AGBL1: variants seen among roughly 807,000 people sequenced by gnomAD.
AGBL1 encodes AGBL carboxypeptidase 1, also known as cytosolic carboxypeptidase 4.
In AGBL1, 130 loss-of-function variants were observed where a neutral mutation model predicts 118.9. The observed-to-expected ratio is 1.09, with a 90% CI of 0.95 to 1.26. The LOEUF (loss-of-function observed/expected upper bound fraction) is 1.26. AGBL1 is among the 50% of genes most tolerant of loss of function. AGBL1 has a pLI of 0.00. For synonymous variants in AGBL1, 555 were observed against 478.9 expected (o/e 1.16, Z -2.08); for missense variants, 1,584 against 1,298.1 (o/e 1.22, Z -3.38).
chr15:86,582,320 AGG>A (rs1409666028), intron 21 of AGBL1, among the ~76,000 whole-genome samples: 2 of 152,164 alleles, frequency 1.3e-5, no homozygotes, highest in Non-Finnish European at 2.9e-5. Context: ...TGCCAGGGTC[AGG>A]GAAATAGATT....
chr15:86,849,134 G>T (rs981871364), intron 22 of AGBL1, among the ~76,000 whole-genome samples: 1 of 152,216 alleles, frequency 6.6e-6, no homozygotes, highest in Non-Finnish European at 1.5e-5. Flanking sequence ...AGCATGCCTT[G>T]CTTATCCATC....
chr15:86,437,890 C>CT (rs1298482033), intron 18 of AGBL1, among the ~76,000 whole-genome samples: 1 of 151,778 alleles, frequency 6.6e-6, no homozygotes, highest in Non-Finnish European at 1.5e-5. Context: ...CCTCAGTTTT[C>CT]TTTTTTTTCC....
intron 5 of AGBL1, among the ~76,000 whole-genome samples, chr15:86,211,286 C>T (rs1262651271): frequency 2.0e-5 from 3 of 152,230 alleles, no homozygotes; most frequent in Non-Finnish European, 2.9e-5. Flanking sequence ...TTAGGCTACA[C>T]AGGGGTCAGG....
chr15:86,547,456 G>A (rs2083598833), intron 20 of AGBL1, among the ~76,000 whole-genome samples: 1 of 152,130 alleles, frequency 6.6e-6, no homozygotes, highest in Non-Finnish European at 1.5e-5. Flanking sequence ...TCTCCTGTAC[G>A]AAGCTGACAT....
chr15:86,947,082 C>A (rs74320366), intron 23 of AGBL1, among the ~76,000 whole-genome samples: 2 of 152,124 alleles, frequency 1.3e-5, no homozygotes, highest in African/African-American at 4.8e-5. Context: ...GCTAGAAACA[C>A]GAAGATCATC....
chr15:86,617,773 C>T (rs941229125), intron 21 of AGBL1, among the ~76,000 whole-genome samples: 19 of 151,928 alleles, frequency 1.3e-4, no homozygotes, highest in Middle Eastern at 3.4e-3. Flanking sequence ...CACACACACA[C>T]ACACACACAC....
chr15:86,451,172 T>C (rs758624928), intron 18 of AGBL1, among the ~76,000 whole-genome samples: 35 of 151,534 alleles, frequency 2.3e-4, no homozygotes, highest in Admixed American at 4.6e-4. Context: ...AGACACTTTC[T>C]TTCCCACCCA....
rs775181651 is a variant in AGBL1, at chr15:86,262,917, G to A, written c.1086+23G>A. 4 of 1,530,336 alleles carry A rather than the reference G, an allele frequency of 2.6e-6. No individual in the cohort carries two copies. In the African/African-American group the frequency reaches 5.5e-5, roughly 21 times the overall value. The allele number at this position is 1,530,336 out of a possible 1,614,324, so 94.8% of individuals were successfully genotyped here. ...GAGGTAGGACATATGCTGTGGTTCT[G>A]ATCTTTGACGATGCATGATGGGTTC... On this transcript the variant is annotated intron_variant, in intron 10 of 22. Coordinates refer to ENST00000614907, the MANE Select transcript of AGBL1 (RefSeq NM_001386094.1).
At chr15:86,430,986 C>T (rs1221255056) in intron 18 of AGBL1, among the ~76,000 whole-genome samples, 1 of 152,148 alleles carries the variant, frequency 6.6e-6, no homozygotes, top group Non-Finnish European at 1.5e-5. Flanking sequence ...GAAAGTGAGA[C>T]TCAGAGATGG....
At chr15:86,732,168 C>T (rs1462463770) in intron 22 of AGBL1, among the ~76,000 whole-genome samples, 1 of 152,186 alleles carries the variant, frequency 6.6e-6, no homozygotes, top group East Asian at 1.9e-4. Context: ...GGCAGTAGGG[C>T]TCTAGAGACT....
At chr15:86,258,432 C>T (rs1364722291) in intron 9 of AGBL1, among the ~76,000 whole-genome samples, 3 of 152,168 alleles carry the variant, frequency 2.0e-5, no homozygotes, top group Non-Finnish European at 4.4e-5. Context: ...AGGGGTGCTG[C>T]ATTGTACAAT....
intron 17 of AGBL1, among the ~76,000 whole-genome samples, chr15:86,320,662 C>A (rs1355427666): frequency 2.6e-5 from 4 of 151,708 alleles, no homozygotes; most frequent in East Asian, 1.9e-4. Context: ...TTCTGATCTT[C>A]AAAGAAATGC....
chr15:86,680,453 G>T (rs28584925), intron 22 of AGBL1, among the ~76,000 whole-genome samples: 1 of 151,646 alleles, frequency 6.6e-6, no homozygotes, highest in South Asian at 2.1e-4. Flanking sequence ...CAATGTAGAC[G>T]TGGCCAAATT....
In AGBL1 at chr15:86,283,869, A is replaced by G. The variant is rs563229812; in HGVS notation, c.2220+4086A>G. Among the ~76,000 whole-genome samples, 7 of 152,268 alleles carry G rather than the reference A, an allele frequency of 4.6e-5. No homozygotes were observed. In the South Asian group the frequency reaches 1.4e-3, roughly 32 times the overall value. On this transcript the variant is annotated intron_variant, in intron 16 of 22. Coordinates refer to ENST00000614907, the MANE Select transcript of AGBL1 (RefSeq NM_001386094.1). The stretch of plus-strand genomic sequence containing the variant: ...TCCAGGGTCTTGGGCACAAAGAAAG[A>G]AAGCTTTGAGGTCAGACAGGCCTAG...
chr15:86,594,129 T>A (rs2084375465), intron 21 of AGBL1, among the ~76,000 whole-genome samples: 1 of 152,118 alleles, frequency 6.6e-6, no homozygotes, highest in South Asian at 2.1e-4. Context: ...CTTACTATGT[T>A]ACCCAGGCTG....
chr15:86,451,893 C>G (rs1381739030), intron 18 of AGBL1, among the ~76,000 whole-genome samples: 2 of 152,114 alleles, frequency 1.3e-5, no homozygotes, highest in African/African-American at 4.8e-5. Flanking sequence ...CTAATCCTCA[C>G]TGGATAAAGT....
intron 21 of AGBL1, among the ~76,000 whole-genome samples, chr15:86,649,224 T>C (rs1454726456): frequency 1.3e-5 from 2 of 152,198 alleles, no homozygotes; most frequent in Non-Finnish European, 2.9e-5. Context: ...GCAGAGTATA[T>C]GGAAATAGAT....
chr15:86,101,100 C>T (rs972149098), intron 1 of AGBL1, among the ~76,000 whole-genome samples: 3 of 151,756 alleles, frequency 2.0e-5, no homozygotes, highest in Non-Finnish European at 2.9e-5. Flanking sequence ...TTTTTATTTC[C>T]TCCTTAATTT....
intron 18 of AGBL1, among the ~76,000 whole-genome samples, chr15:86,413,248 G>C (rs531549262): frequency 6.6e-6 from 1 of 152,230 alleles, no homozygotes; most frequent in South Asian, 2.1e-4. Context: ...AGTTGAATTT[G>C]AAGTCCAGGC....
Sources: gnomAD v4.1 joint callset for allele counts (sites outside exome capture counted in the v4.1 genomes callset) on GRCh38, gnomAD v4.1.1 for gene constraint, MANE v1.5 for transcripts, NCBI Gene and HGNC (gene_info 2026-07-23, HGNC 2026-07-21) for gene names.